Variants in GRIK3 observed in about 807,000 individuals in gnomAD.
GRIK3 encodes the protein glutamate ionotropic receptor kainate type subunit 3.
Under a neutral mutation model 102.5 loss-of-function variants are expected in GRIK3, and 29 were observed. That is an observed-to-expected ratio of 0.28 (90% CI 0.21 to 0.39). GRIK3 has a LOEUF of 0.39. GRIK3 is among the 10% of genes least tolerant of loss of function. The pLI is 1.00. For missense variants in GRIK3, 908 were observed against 1,252.4 expected, an observed-to-expected ratio of 0.73 and a Z score of 4.15; for synonymous variants, 511 against 504.9, an observed-to-expected ratio of 1.01 and a Z score of -0.16.
intron 1 of GRIK3, among the ~76,000 whole-genome samples, chr1:36,904,191 C>T (rs1641260577): frequency 6.6e-6 from 1 of 152,232 alleles, no homozygotes; most frequent in African/African-American, 2.4e-5. Context: ...GAACACACAA[C>T]TGTGTCCCTT....
At chr1:36,947,521 C>T (rs899026842) in intron 1 of GRIK3, among the ~76,000 whole-genome samples, 1 of 152,154 alleles carries the variant, frequency 6.6e-6, no homozygotes, top group African/African-American at 2.4e-5. Context: ...GCAATTGGCC[C>T]CCACCTTCCT....
intron 1 of GRIK3, among the ~76,000 whole-genome samples, chr1:37,023,257 G>T (rs1642734510): frequency 6.6e-6 from 1 of 151,798 alleles, no homozygotes. Context: ...AACCCAGGAG[G>T]CAGAGGTTGT....
chr1:36,875,625 T>C (rs1640905357), intron 3 of GRIK3, among the ~76,000 whole-genome samples: 1 of 152,050 alleles, frequency 6.6e-6, no homozygotes. Flanking sequence ...GAGAGACAGG[T>C]GGAGAGCTGA....
At chr1:36,903,823 T>A (rs1641256491) in intron 1 of GRIK3, among the ~76,000 whole-genome samples, 1 of 152,046 alleles carries the variant, frequency 6.6e-6, no homozygotes, top group Non-Finnish European at 1.5e-5. Flanking sequence ...GAGGGAGAGA[T>A]GCATTGGTAA....
chr1:36,821,653 C>G (rs1440313197), intron 11 of GRIK3, among the ~76,000 whole-genome samples: 1 of 152,218 alleles, frequency 6.6e-6, no homozygotes, highest in Non-Finnish European at 1.5e-5. Flanking sequence ...ACAGATCCAG[C>G]CCAGGCCGAC....
Position 36,797,889 on chromosome 1 carries a change from A to G in GRIK3, c.*3962T>C, listed in dbSNP as rs552126350. Reference sequence around the variant, plus strand: ...CGCCTGGTGGAGGGGAGCAACTTCTAACCTGTTTGGCCCTTTACCCTGGCC... The same window carrying G: ...CGCCTGGTGGAGGGGAGCAACTTCTGACCTGTTTGGCCCTTTACCCTGGCC... On this transcript the variant is annotated 3_prime_UTR_variant, in exon 16 of 16. Coordinates refer to ENST00000373091, the MANE Select transcript of GRIK3 (RefSeq NM_000831.4). The G allele has an allele frequency of 3.9e-5, 6 of 152,456 alleles. No homozygotes were observed. The highest frequency in any genetic ancestry group is 1.4e-4 in the African/African-American group (6 of 41,576). 9.4% of individuals were successfully genotyped at this position (152,456 alleles called of 1,614,324 possible). A position where few individuals can be genotyped will look rare whatever the true frequency, so the allele number is the denominator to read the frequency against.
chr1:37,008,411 T>C (rs1642554300), intron 1 of GRIK3, among the ~76,000 whole-genome samples: 1 of 152,228 alleles, frequency 6.6e-6, no homozygotes, highest in Non-Finnish European at 1.5e-5. Flanking sequence ...AAGCTGCAGA[T>C]GGAGAGCGAA....
intron 1 of GRIK3, among the ~76,000 whole-genome samples, chr1:36,983,102 C>A (rs779127953): frequency 6.6e-6 from 1 of 152,182 alleles, no homozygotes; most frequent in Non-Finnish European, 1.5e-5. Context: ...CCTCACACCA[C>A]TCATCAGGGT....
At chr1:36,870,519 T>C (rs991417054) in intron 4 of GRIK3, among the ~76,000 whole-genome samples, 4 of 152,202 alleles carry the variant, frequency 2.6e-5, no homozygotes, top group African/African-American at 9.7e-5. Flanking sequence ...ATGTCACCGG[T>C]TCAAGTACAC....
chr1:36,941,051 C>T (rs1272736790), intron 1 of GRIK3, among the ~76,000 whole-genome samples: 1 of 152,220 alleles, frequency 6.6e-6, no homozygotes, highest in Non-Finnish European at 1.5e-5. Context: ...GTTTCTGCCC[C>T]CGTAAGTGGT....
intron 1 of GRIK3, among the ~76,000 whole-genome samples, chr1:36,952,778 G>A (rs1641859996): frequency 6.6e-6 from 1 of 152,210 alleles, no homozygotes; most frequent in Non-Finnish European, 1.5e-5. Flanking sequence ...GCCAAAAGGA[G>A]ATGATAGGGA....
At chr1:36,871,377 T>TGCCTTTAATCA (rs1557709149) in intron 4 of GRIK3, among the ~76,000 whole-genome samples, 1 of 152,204 alleles carries the variant, frequency 6.6e-6, no homozygotes, top group Non-Finnish European at 1.5e-5. Context: ...GCGTGTCTCC[T>TGCCTTTAATCA]CCTGCACCCC....
intron 5 of GRIK3, among the ~76,000 whole-genome samples, chr1:36,861,165 T>A: frequency 6.6e-6 from 1 of 152,210 alleles, no homozygotes; most frequent in East Asian, 1.9e-4. Context: ...AGTCAGCTTT[T>A]CCATCCTACT....
At chr1:36,962,124 GCA>G (rs1642017194) in intron 1 of GRIK3, among the ~76,000 whole-genome samples, 1 of 152,172 alleles carries the variant, frequency 6.6e-6, no homozygotes, top group Non-Finnish European at 1.5e-5. Flanking sequence ...CACCGGCCCT[GCA>G]CAGACAATTC....
intron 1 of GRIK3, among the ~76,000 whole-genome samples, chr1:36,973,504 C>T (rs924794587): frequency 4.6e-5 from 7 of 151,116 alleles, no homozygotes; most frequent in Non-Finnish European, 8.8e-5. Context: ...ACCACAACCT[C>T]CACCTCCCGG....
chr1:36,972,018 ACTT>A (rs1337184859), intron 1 of GRIK3, among the ~76,000 whole-genome samples: 3 of 152,172 alleles, frequency 2.0e-5, no homozygotes, highest in Non-Finnish European at 1.5e-5. Context: ...TAATTATTAA[ACTT>A]CTCTGAATGG....
chr1:37,033,499 C>A (rs980978589), intron 1 of GRIK3, among the ~76,000 whole-genome samples: 1 of 152,150 alleles, frequency 6.6e-6, no homozygotes, highest in African/African-American at 2.4e-5. Flanking sequence ...AGACCGGCTG[C>A]CCTCGTCATG....
Position 36,880,945 on chromosome 1 carries a change from G to A in GRIK3, c.293-54C>T. ...GTCAGCACTGGGGCTGTGGGTATGGGGACAGTGATGCTGATGATCCTGTAA... is the reference window on the plus strand; with the variant it reads ...GTCAGCACTGGGGCTGTGGGTATGGAGACAGTGATGCTGATGATCCTGTAA... On this transcript the variant is annotated intron_variant, in intron 2 of 15. Transcript: ENST00000373091. The surrounding 1 kb of genome is among the most constrained non-coding windows in gnomAD (Gnocchi z 5.4). 6.5e-7 allele frequency: 1 copy of A among 1,528,144 alleles called. No individual in the cohort carries two copies. The highest frequency in any genetic ancestry group is 8.8e-7 in the Non-Finnish European group (1 of 1,130,966). The allele number at this position is 1,528,144 out of a possible 1,614,324, so 94.7% of individuals were successfully genotyped here.
intron 1 of GRIK3, among the ~76,000 whole-genome samples, chr1:37,016,107 T>G (rs1642650199): frequency 1.3e-5 from 2 of 152,344 alleles, no homozygotes; most frequent in South Asian, 4.1e-4. Context: ...AATGTGCCAC[T>G]GTTCACTTTA....
Sources: gnomAD v4.1 joint callset for allele counts (sites outside exome capture counted in the v4.1 genomes callset) on GRCh38, gnomAD v4.1.1 for gene constraint, Gnocchi (gnomAD v3.1) non-coding constraint, MANE v1.5 for transcripts, NCBI Gene and HGNC (gene_info 2026-07-23, HGNC 2026-07-21) for gene names.